Variants in AKAP19 observed in about 807,000 individuals in gnomAD.
AKAP19 encodes small A-kinase anchoring protein.
At chr2:189,978,980 A>G in the AKAP19 span, among the ~76,000 whole-genome samples, 2 of 152,174 alleles carry the variant, frequency 1.3e-5, no homozygotes, top group African/African-American at 4.8e-5. Context: ...TGAAAGAATC[A>G]ATATCATTAA....
chr2:190,114,550 G>A, the AKAP19 span, among the ~76,000 whole-genome samples: 2 of 152,182 alleles, frequency 1.3e-5, no homozygotes, highest in Non-Finnish European at 2.9e-5. Context: ...TCACCTCCTG[G>A]ATTCACGCCA....
chr2:190,178,418 G>A, the AKAP19 span, among the ~76,000 whole-genome samples: 1 of 152,222 alleles, frequency 6.6e-6, no homozygotes, highest in East Asian at 1.9e-4. This position sits in a 1 kb window ranked among gnomAD's most constrained non-coding sequence, Gnocchi z 6.3. Context: ...GGAGAGCAGA[G>A]AGGGCCACTC....
At chr2:189,922,110 T>C in the AKAP19 span, among the ~76,000 whole-genome samples, 2 of 152,054 alleles carry the variant, frequency 1.3e-5, no homozygotes, top group African/African-American at 2.4e-5. Context: ...AACAATGAAA[T>C]TGGCAGAAGA....
At chr2:190,061,129 G>A in the AKAP19 span, among the ~76,000 whole-genome samples, 1 of 151,974 alleles carries the variant, frequency 6.6e-6, no homozygotes, top group Non-Finnish European at 1.5e-5. Flanking sequence ...GTCTATAAAA[G>A]GTAAATCTGC....
the AKAP19 span, among the ~76,000 whole-genome samples, chr2:189,891,688 G>T: frequency 6.6e-6 from 1 of 151,978 alleles, no homozygotes; most frequent in Non-Finnish European, 1.5e-5. Context: ...TTCAACCTTG[G>T]TGAATCTAAT....
At chr2:190,024,302 G>GTA in the AKAP19 span, among the ~76,000 whole-genome samples, 100 of 147,474 alleles carry the variant, frequency 6.8e-4, no homozygotes, top group Non-Finnish European at 8.1e-4. Context: ...TGCAGAACCA[G>GTA]TATATATATA....
the AKAP19 span, among the ~76,000 whole-genome samples, chr2:190,007,221 G>A: frequency 3.3e-5 from 5 of 152,130 alleles, no homozygotes; most frequent in African/African-American, 9.7e-5. Flanking sequence ...TTTCTATGGG[G>A]TACAGAAATA....
chr2:190,179,250 A>G, the AKAP19 span, among the ~76,000 whole-genome samples: 1 of 152,108 alleles, frequency 6.6e-6, no homozygotes, highest in Non-Finnish European at 1.5e-5. This position sits in a 1 kb window ranked among gnomAD's most constrained non-coding sequence, Gnocchi z 6.0. Context: ...TCTACTAAAA[A>G]TACAAAAATT....
At chr2:190,183,278 G>C in the AKAP19 span, among the ~76,000 whole-genome samples, 1 of 152,182 alleles carries the variant, frequency 6.6e-6, no homozygotes, top group African/African-American at 2.4e-5. Flanking sequence ...TGGAAATCTA[G>C]TTGGCCTTCA....
At chr2:189,896,043 A>G in the AKAP19 span, among the ~76,000 whole-genome samples, 1 of 151,486 alleles carries the variant, frequency 6.6e-6, no homozygotes, top group African/African-American at 2.4e-5. Flanking sequence ...CTAAAATTTC[A>G]TTTATGTATG....
chr2:189,996,112 T>G, the AKAP19 span, among the ~76,000 whole-genome samples: 3 of 152,220 alleles, frequency 2.0e-5, no homozygotes, highest in African/African-American at 7.2e-5. Flanking sequence ...GAGATGTTCT[T>G]TGAGCTTCTT....
chr2:190,128,510 G>C, the AKAP19 span, among the ~76,000 whole-genome samples: 1 of 152,210 alleles, frequency 6.6e-6, no homozygotes, highest in African/African-American at 2.4e-5. Flanking sequence ...AATGGTACCG[G>C]AGTCTAGTGC....
At chr2:189,935,839 G>A in the AKAP19 span, among the ~76,000 whole-genome samples, 1 of 152,064 alleles carries the variant, frequency 6.6e-6, no homozygotes, top group African/African-American at 2.4e-5. Context: ...TACATGCCAA[G>A]TAGGTTTGCT....
the AKAP19 span, among the ~76,000 whole-genome samples, chr2:189,992,395 A>AT: frequency 6.6e-6 from 1 of 152,164 alleles, no homozygotes; most frequent in African/African-American, 2.4e-5. Flanking sequence ...TGTATGTAGT[A>AT]TAAAAATACC....
chr2:190,175,636 T>C, the AKAP19 span, among the ~76,000 whole-genome samples: 1 of 152,186 alleles, frequency 6.6e-6, no homozygotes, highest in Non-Finnish European at 1.5e-5. Flanking sequence ...GTGAGAAGCT[T>C]GGAGGGGCTA....
the AKAP19 span, among the ~76,000 whole-genome samples, chr2:189,891,625 T>G: frequency 6.6e-6 from 1 of 152,148 alleles, no homozygotes; most frequent in Non-Finnish European, 1.5e-5. Context: ...GGGCTTCCCT[T>G]TGTGGGTAAC....
At chr2:189,932,394 C>T in the AKAP19 span, among the ~76,000 whole-genome samples, 4,045 of 113,072 alleles carry the variant, frequency 0.036, 74 homozygotes, top group Non-Finnish European at 0.049. Context: ...GGCGACTGAG[C>T]GAGACTCCAA....
the AKAP19 span, among the ~76,000 whole-genome samples, chr2:190,177,686 GGTCT>G: frequency 3.9e-5 from 6 of 152,260 alleles, no homozygotes; most frequent in East Asian, 5.8e-4. This position sits in a 1 kb window ranked among gnomAD's most constrained non-coding sequence, Gnocchi z 4.6. Flanking sequence ...GTACCTCTGT[GGTCT>G]GTCTGTCTGA....
chr2:189,989,606 A>T, the AKAP19 span, among the ~76,000 whole-genome samples: 1 of 152,140 alleles, frequency 6.6e-6, no homozygotes, highest in Non-Finnish European at 1.5e-5. Context: ...ATAAAATGTT[A>T]AATTTTAAAG....
Sources: allele counts gnomAD v4.1 joint callset (sites outside exome capture counted in the v4.1 genomes callset), GRCh38; gene constraint gnomAD v4.1.1; non-coding constraint Gnocchi (gnomAD v3.1); transcripts MANE v1.5; gene names NCBI Gene and HGNC (gene_info 2026-07-23, HGNC 2026-07-21).